SDK1: variants seen among roughly 807,000 people sequenced by gnomAD.
SDK1 encodes the protein sidekick cell adhesion molecule 1, also known as protein sidekick-1.
SDK1 carries 157 observed loss-of-function variants against 245.5 expected under a neutral mutation model. The observed-to-expected ratio is 0.64, with a 90% CI of 0.56 to 0.73. SDK1 has a LOEUF of 0.73. Among genes scored for constraint, SDK1 ranks in the 30% least tolerant of loss-of-function variants. SDK1 has a pLI of 0.00. For synonymous variants in SDK1, 1,647 were observed against 1,278.5 expected (o/e 1.29, Z -6.15); for missense variants, 3,583 against 3,002.3 (o/e 1.19, Z -4.52).
At chr7:3,957,114 G>A (rs894559509) in intron 7 of SDK1, among the ~76,000 whole-genome samples, 2 of 152,116 alleles carry the variant, frequency 1.3e-5, no homozygotes, top group South Asian at 2.1e-4. Context: ...TTTCTGTAAC[G>A]TTCTTGAAAT....
At chr7:3,765,981 A>T (rs1256359606) in intron 4 of SDK1, among the ~76,000 whole-genome samples, 1 of 152,194 alleles carries the variant, frequency 6.6e-6, no homozygotes, top group Non-Finnish European at 1.5e-5. Flanking sequence ...CCTAGGAGCA[A>T]TAACATTGTA....
chr7:4,144,392 C>T (rs544052545), intron 28 of SDK1, among the ~76,000 whole-genome samples: 11 of 151,220 alleles, frequency 7.3e-5, no homozygotes, highest in African/African-American at 2.7e-4. Flanking sequence ...GACACCTGCG[C>T]CTAGAGGTGG....
chr7:4,198,085 T>G (rs10228300), intron 35 of SDK1, among the ~76,000 whole-genome samples: 76,008 of 152,090 alleles, frequency 0.5, 20,141 homozygotes, highest in African/African-American at 0.67. Flanking sequence ...CAGGACGTGG[T>G]CACTGAGGGC....
intron 1 of SDK1, among the ~76,000 whole-genome samples, chr7:3,612,011 A>G (rs148569775): frequency 3.8e-4 from 58 of 152,238 alleles, no homozygotes; most frequent in African/African-American, 1.3e-3. Context: ...AAAACCAAAC[A>G]TTGTATCTTC....
intron 1 of SDK1, among the ~76,000 whole-genome samples, chr7:3,401,865 T>C (rs1778896533): frequency 1.3e-5 from 2 of 152,198 alleles, no homozygotes; most frequent in Non-Finnish European, 2.9e-5. Context: ...TTAAATGTTA[T>C]CACTATTTAA....
chr7:3,468,291 A>G (rs182124367), intron 1 of SDK1, among the ~76,000 whole-genome samples: 254 of 152,296 alleles, frequency 1.7e-3, no homozygotes, highest in African/African-American at 5.9e-3. Context: ...AAAGTGGTTA[A>G]TATGATTTTA....
At chr7:3,412,994 C>A (rs1779255950) in intron 1 of SDK1, among the ~76,000 whole-genome samples, 1 of 152,098 alleles carries the variant, frequency 6.6e-6, no homozygotes, top group South Asian at 2.1e-4. Context: ...GGTAAATAAA[C>A]AAGATTATTC....
intron 1 of SDK1, among the ~76,000 whole-genome samples, chr7:3,512,647 T>C (rs180726286): frequency 6.6e-6 from 1 of 152,328 alleles, no homozygotes; most frequent in African/African-American, 2.4e-5. Context: ...TTGGCCATTC[T>C]AGTGATATGT....
chr7:3,349,528 G>A (rs960733687), intron 1 of SDK1, among the ~76,000 whole-genome samples: 1 of 152,212 alleles, frequency 6.6e-6, no homozygotes, highest in African/African-American at 2.4e-5. Flanking sequence ...TGAGGGCAGA[G>A]GACTAAGAAG....
At chr7:3,312,083 C>G (rs1290388087) in intron 1 of SDK1, among the ~76,000 whole-genome samples, 1 of 152,124 alleles carries the variant, frequency 6.6e-6, no homozygotes, top group African/African-American at 2.4e-5. Context: ...ACTTGCTGTC[C>G]TCCTGGGGTT....
At chr7:3,672,759 T>TATATATATATATATATATA (rs1554307103) in intron 4 of SDK1, among the ~76,000 whole-genome samples, 1 of 50,744 alleles carries the variant, frequency 2.0e-5, no homozygotes, top group African/African-American at 8.7e-5. Flanking sequence ...ATATATAATT[T>TATATATATATATATATATA]TATATATATA....
At chr7:4,184,088 G>T (rs1390789518) in intron 35 of SDK1, among the ~76,000 whole-genome samples, 1 of 152,176 alleles carries the variant, frequency 6.6e-6, no homozygotes, top group African/African-American at 2.4e-5. Context: ...TACCTGCATT[G>T]TAACAACCCT....
At chr7:3,418,002 A>G (rs758805911) in intron 1 of SDK1, among the ~76,000 whole-genome samples, 4 of 152,036 alleles carry the variant, frequency 2.6e-5, no homozygotes, top group African/African-American at 9.7e-5. Flanking sequence ...ACTGAGAGCA[A>G]CTTTTCTTGA....
At chr7:3,914,289 T>C (rs887152882) in intron 5 of SDK1, among the ~76,000 whole-genome samples, 1 of 152,234 alleles carries the variant, frequency 6.6e-6, no homozygotes, top group Non-Finnish European at 1.5e-5. Flanking sequence ...TCTTACTGGG[T>C]TCATGTCAAA....
rs571640655 is a variant in SDK1, at chr7:4,057,651, A to G, written c.2911+5821A>G. 1.3e-3 allele frequency among the ~76,000 whole-genome samples: 199 copies of G among 152,150 alleles called. 1 individual carries two copies. The highest frequency in any genetic ancestry group is 4.7e-3 in the African/African-American group (196 of 41,532). On this transcript the variant is annotated intron_variant, in intron 19 of 44. Coordinates refer to ENST00000404826, the MANE Select transcript of SDK1 (RefSeq NM_152744.4). The stretch of plus-strand genomic sequence containing the variant: ...GCCTGTCTGGATCACTCTGGGATGT[A>G]AGGACAGGCACACTCAGCCCACTGC...
chr7:3,601,806 T>G (rs1346606713), intron 1 of SDK1, among the ~76,000 whole-genome samples: 3 of 150,560 alleles, frequency 2.0e-5, no homozygotes, highest in South Asian at 4.3e-4. Context: ...TAGGTATATC[T>G]CCTAATGCTA....
chr7:3,537,751 GT>G (rs1417567833), intron 1 of SDK1, among the ~76,000 whole-genome samples: 13 of 152,188 alleles, frequency 8.5e-5, no homozygotes, highest in Non-Finnish European at 1.3e-4. Context: ...ATTTTGAGGT[GT>G]TTCCCCTTGA....
intron 5 of SDK1, among the ~76,000 whole-genome samples, chr7:3,883,194 G>C (rs1190654503): frequency 2.0e-5 from 3 of 152,188 alleles, no homozygotes; most frequent in Non-Finnish European, 4.4e-5. Flanking sequence ...ACACACACAG[G>C]CTTCGACCAG....
chr7:3,516,189 T>A (rs1307550551), intron 1 of SDK1, among the ~76,000 whole-genome samples: 1 of 151,604 alleles, frequency 6.6e-6, no homozygotes, highest in African/African-American at 2.4e-5. Context: ...GCACATACAT[T>A]TACACACCTA....
Sources: allele counts gnomAD v4.1 joint callset (sites outside exome capture counted in the v4.1 genomes callset), GRCh38; gene constraint gnomAD v4.1.1; transcripts MANE v1.5; gene names NCBI Gene and HGNC (gene_info 2026-07-23, HGNC 2026-07-21).